Variants in SUSD6 observed in about 807,000 individuals in gnomAD.
SUSD6 encodes sushi domain-containing protein 6.
A neutral mutation model predicts 28.4 loss-of-function variants in SUSD6; 16 were observed. The ratio of observed to expected loss-of-function variants is 0.56; its 90% CI spans 0.38 to 0.86. The LOEUF (loss-of-function observed/expected upper bound fraction) is 0.86, where lower values mean the gene tolerates loss of function less well. Ranked by LOEUF, SUSD6 falls within the 40% of genes least tolerant of loss-of-function variation. The pLI is 0.00. For synonymous variants in SUSD6, 147 were observed against 159.6 expected (o/e 0.92, Z 0.59); for missense variants, 341 against 384.2 (o/e 0.89, Z 0.94).
At chr14:69,680,496 T>G (rs759762752) in intron 2 of SUSD6, among the ~76,000 whole-genome samples, 1 of 152,138 alleles carries the variant, frequency 6.6e-6, no homozygotes, top group Non-Finnish European at 1.5e-5. Flanking sequence ...AGAATAACTC[T>G]CAGAATCTCA....
At chr14:69,664,863 A>G (rs182684666) in intron 2 of SUSD6, among the ~76,000 whole-genome samples, 245 of 152,308 alleles carry the variant, frequency 1.6e-3, no homozygotes, top group African/African-American at 5.7e-3. Context: ...TAAAACAAAA[A>G]TTAGGGTTAA....
chr14:69,618,511 C>T (rs1884991049), intron 1 of SUSD6, among the ~76,000 whole-genome samples: 1 of 152,220 alleles, frequency 6.6e-6, no homozygotes, highest in East Asian at 1.9e-4. Context: ...TGCAGGCTAC[C>T]TAATGATTTA....
intron 1 of SUSD6, among the ~76,000 whole-genome samples, chr14:69,620,626 C>G (rs1209660545): frequency 6.6e-6 from 1 of 152,170 alleles, no homozygotes; most frequent in Non-Finnish European, 1.5e-5. Flanking sequence ...CTCCAAACCA[C>G]AGTCATCCTG....
chr14:69,637,901 C>T lies in SUSD6; in HGVS notation c.-80-20612C>T, dbSNP rs150183980. Among the ~76,000 whole-genome samples, 638 of 152,180 alleles carry T rather than the reference C, an allele frequency of 4.2e-3. 4 individuals carry two copies. The highest frequency in any genetic ancestry group is 0.014 in the African/African-American group (583 of 41,514). ...TGACTGCATGACAGAGTCCAGCCCC[C>T]CTTCTCCCCACGTTCTATCTTCTTT... On this transcript the variant is annotated intron_variant, in intron 1 of 5. Transcript: ENST00000342745.
At chr14:69,662,177 G>A (rs1201139184) in intron 2 of SUSD6, among the ~76,000 whole-genome samples, 1 of 152,082 alleles carries the variant, frequency 6.6e-6, no homozygotes, top group Non-Finnish European at 1.5e-5. Context: ...ATACAGCCTT[G>A]CTATCCAGTG....
At chr14:69,619,133 C>A (rs1566587772) in intron 1 of SUSD6, among the ~76,000 whole-genome samples, 1 of 152,192 alleles carries the variant, frequency 6.6e-6, no homozygotes, top group African/African-American at 2.4e-5. Context: ...TTCTCCCCCT[C>A]TTCTGGGCCT....
chr14:69,681,173 C>T (rs1474955385), intron 2 of SUSD6, among the ~76,000 whole-genome samples: 2 of 152,174 alleles, frequency 1.3e-5, no homozygotes, highest in South Asian at 4.1e-4. Flanking sequence ...CCTCACCCTT[C>T]GCTACCACCA....
intron 1 of SUSD6, among the ~76,000 whole-genome samples, chr14:69,620,125 A>G (rs1291639926): frequency 6.6e-6 from 1 of 152,150 alleles, no homozygotes; most frequent in Non-Finnish European, 1.5e-5. Context: ...TATCTGGTCT[A>G]CCCCTTTATC....
intron 1 of SUSD6, among the ~76,000 whole-genome samples, chr14:69,631,469 G>C (rs146171314): frequency 1.3e-4 from 20 of 152,280 alleles, no homozygotes; most frequent in African/African-American, 4.6e-4. Flanking sequence ...GCTTGGATAG[G>C]TTATTTAGCC....
intron 2 of SUSD6, among the ~76,000 whole-genome samples, chr14:69,683,424 TA>T (rs1886027408): frequency 2.0e-5 from 3 of 152,276 alleles, no homozygotes; most frequent in Admixed American, 2.0e-4. Context: ...ATTTAACTAC[TA>T]GATTGTGGAG....
chr14:69,708,677 G>A lies in SUSD6; in HGVS notation c.459G>A (p.Arg153=), dbSNP rs776090479. The change falls in exon 5 of 6, where the codon AGG becomes AGA. Residue 153 remains arginine (R), a splice_region_variant and synonymous_variant. Coordinates refer to ENST00000342745, the MANE Select transcript of SUSD6 (RefSeq NM_014734.4). ...TTTGTCTTTTCCTCCTCCACTCCAG[G>A]CGTGACCAGGGGGTATCTGGGGACC... is the stretch of plus-strand genomic sequence containing the variant. ...QPKLKSFHHS[R]RDQGVSGDQV... The A allele has an allele frequency of 6.4e-7, 1 of 1,559,124 alleles. No individual in the cohort carries two copies. Among genetic ancestry groups the A allele is most frequent in the African/African-American group, 1.4e-5 (1 of 73,232 alleles).
intron 2 of SUSD6, among the ~76,000 whole-genome samples, chr14:69,659,046 C>G (rs1039211941): frequency 6.6e-6 from 1 of 152,106 alleles, no homozygotes; most frequent in Admixed American, 6.5e-5. Flanking sequence ...TGTTCAGTGC[C>G]CATTCTCACT....
intron 1 of SUSD6, among the ~76,000 whole-genome samples, chr14:69,614,472 A>G (rs1884930186): frequency 6.6e-6 from 1 of 152,200 alleles, no homozygotes; most frequent in Non-Finnish European, 1.5e-5. Flanking sequence ...CTACATGCAC[A>G]CACACACCCC....
chr14:69,679,679 A>G (rs1341647242), intron 2 of SUSD6, among the ~76,000 whole-genome samples: 1 of 152,100 alleles, frequency 6.6e-6, no homozygotes, highest in Admixed American at 6.6e-5. Flanking sequence ...GGAAGCCGAA[A>G]GATTGGACAC....
intron 1 of SUSD6, among the ~76,000 whole-genome samples, chr14:69,629,738 G>T (rs947521239): frequency 6.6e-6 from 1 of 152,240 alleles, no homozygotes; most frequent in African/African-American, 2.4e-5. Context: ...TGGGGTTGCT[G>T]TGTTTACAGC....
Position 69,704,663 on chromosome 14 carries a change from A to T in SUSD6, c.379A>T (p.Ser127Cys). Residue 127 changes from serine to cysteine, a missense_variant, in exon 4 of 6, where the codon AGC becomes TGC. By Grantham distance (112) the Ser-to-Cys change is moderately radical. Transcript: ENST00000342745. The part of the protein sequence containing the change: ...PTLSIVASTA[S>C]SVALILLLVV... ...GCTGTCTATAGTGGCTTCTACTGCC[A>T]GCTCCGTGGCGCTCATTCTCCTCCT... 1 of 1,614,200 alleles carries T rather than the reference A, an allele frequency of 6.2e-7. No homozygotes were observed. The highest frequency in any genetic ancestry group is 1.1e-5 in the South Asian group (1 of 91,086).
At chr14:69,700,692 A>G (rs553014170) in intron 2 of SUSD6, among the ~76,000 whole-genome samples, 2 of 152,306 alleles carry the variant, frequency 1.3e-5, no homozygotes, top group Admixed American at 6.5e-5. Flanking sequence ...AGGCTCCCCT[A>G]TTCCTGCTTT....
intron 4 of SUSD6, among the ~76,000 whole-genome samples, chr14:69,705,558 TCCCGGCTGCAATATAGAGGCA>T (rs1162405077): frequency 6.6e-6 from 1 of 152,148 alleles, no homozygotes; most frequent in African/African-American, 2.4e-5. Flanking sequence ...TGGTTCCCAG[TCCCGGCTGCAATATAGAGGCA>T]CCTGGGGGAG....
At chr14:69,690,137 C>G (rs1886133300) in intron 2 of SUSD6, among the ~76,000 whole-genome samples, 1 of 152,202 alleles carries the variant, frequency 6.6e-6, no homozygotes, top group African/African-American at 2.4e-5. Context: ...GCATCTCAGA[C>G]TGGTCAGTCA....
Sources: allele counts gnomAD v4.1 joint callset (sites outside exome capture counted in the v4.1 genomes callset), GRCh38; gene constraint gnomAD v4.1.1; transcripts MANE v1.5; gene names NCBI Gene and HGNC (gene_info 2026-07-23, HGNC 2026-07-21).